BCL9L: variants seen among roughly 807,000 people sequenced by gnomAD.
The protein encoded by BCL9L is BCL9 like.
BCL9L carries 19 observed loss-of-function variants against 99.4 expected under a neutral mutation model. That is an observed-to-expected ratio of 0.19 (90% CI 0.13 to 0.28). The LOEUF is 0.28. Among genes scored for constraint, BCL9L ranks in the 10% least tolerant of loss-of-function variants. The pLI is 1.00. For missense variants in BCL9L, 2,023 were observed against 2,101.6 expected, an observed-to-expected ratio of 0.96 and a Z score of 0.73; for synonymous variants, 900 against 854.8, an observed-to-expected ratio of 1.05 and a Z score of -0.92.
At position 118,902,388 on chromosome 11, in the gene BCL9L, T is replaced by C. The variant is rs1336621605; in HGVS notation, c.1355A>G (p.Gln452Arg). ...GCTGGGAGGGGCCGTGGGTGGCTGC[T>C]GGGGGGGAGGGGGGGCTTGTGCTGG... Reference protein sequence around the residue: ...GPPAQAPPPPQQPPTAPPSGL... With the variant: ...GPPAQAPPPPRQPPTAPPSGL... Residue 452 changes from glutamine (Q) to arginine (R), a missense_variant, in exon 8 of 10, where the codon CAG becomes CGG. This residue lies in a region of BCL9L where 1,116 missense variants were observed against 1,194.6 expected (regional missense o/e 0.93). Coordinates refer to ENST00000683865, the MANE Select transcript of BCL9L (RefSeq NM_001378213.1). The surrounding 1 kb of genome is among the most constrained non-coding windows in gnomAD (Gnocchi z 7.8). The C allele has an allele frequency of 2.1e-6, 1 of 470,054 alleles. No individual in the cohort carries two copies. 29.1% of individuals were successfully genotyped at this position (470,054 alleles called of 1,614,324 possible).
In BCL9L at chr11:118,914,780, TGCCTGGTGGCCTCGCCCTCTGAGGTTGGG is replaced by T. The variant is rs1348435713; in HGVS notation, c.-77+4017_-77+4045del. Among the ~76,000 whole-genome samples the T allele has an allele frequency of 6.6e-6, 1 of 152,180 alleles. No homozygotes were observed. The highest frequency in any genetic ancestry group is 1.9e-4 in the East Asian group (1 of 5,198). Reference sequence around the variant, plus strand: ...AAAGCTGCTCCCAGAGGAGGTCTGGTGCCTGGTGGCCTCGCCCTCTGAGGTTGGGGCCCTGGCAGGCAGTATGATGCAGT... The same window carrying T: ...AAAGCTGCTCCCAGAGGAGGTCTGGTGCCCTGGCAGGCAGTATGATGCAGT... On this transcript the variant is annotated intron_variant, in intron 2 of 9. Transcript: ENST00000683865. This position sits in a 1 kb window ranked among gnomAD's most constrained non-coding sequence, Gnocchi z 4.4.
chr11:118,909,142 G>A (rs1283110930), intron 3 of BCL9L, among the ~76,000 whole-genome samples: 2 of 152,204 alleles, frequency 1.3e-5, no homozygotes, highest in African/African-American at 2.4e-5. Context: ...TCATTCCCCA[G>A]GGACAGTGGG....
In BCL9L at chr11:118,898,846, G is replaced by C. The variant is rs376479936; in HGVS notation, c.4069C>G (p.Leu1357Val). ...ATGTTCTGCAGGTTCATGAGATGCAGATTAGGGGGCTGAGCCTTGGGGGGC... is the reference window on the plus strand; with the variant it reads ...ATGTTCTGCAGGTTCATGAGATGCACATTAGGGGGCTGAGCCTTGGGGGGC... Reference protein sequence around the residue: ...NQPPKAQPPNLHLMNLQNMMA... With the variant: ...NQPPKAQPPNVHLMNLQNMMA... The change falls in exon 10 of 10, where the codon CTG becomes GTG. Residue 1357 changes from leucine to valine, a missense_variant. Leu to Val is a conservative substitution (Grantham distance 32). Around this residue, in one of 3 missense-constraint regions of BCL9L, gnomAD observed 902 missense variants for 888.2 expected, o/e 1.02. Coordinates refer to ENST00000683865, the MANE Select transcript of BCL9L (RefSeq NM_001378213.1). 7 of 1,614,006 alleles carry C rather than the reference G, an allele frequency of 4.3e-6. No homozygotes were observed. Among genetic ancestry groups the C allele is most frequent in the Non-Finnish European group, 5.1e-6 (6 of 1,180,014 alleles).
chr11:118,905,512 C>CAAAA (rs761526586), intron 5 of BCL9L, among the ~76,000 whole-genome samples: 3 of 38,532 alleles, frequency 7.8e-5, no homozygotes, highest in Admixed American at 2.6e-4. Context: ...GACTCTGTCT[C>CAAAA]AAAAAAAAAA....
chr11:118,901,034 A>G lies in BCL9L; in HGVS notation c.2709T>C (p.His903=). The change falls in exon 8 of 10, where the codon CAT becomes CAC. Residue 903 remains histidine, a synonymous_variant. Transcript: ENST00000683865. This position sits in a 1 kb window ranked among gnomAD's most constrained non-coding sequence, Gnocchi z 6.6. The stretch of plus-strand genomic sequence containing the variant: ...TGCCTAGCCCCCGGTTTGGGGCTGA[A>G]TGCACGGTCCCAGGAGGATTGGACG... ...PPASNPPGTV[H]SAPNRGLGRR... 1 of 1,574,914 alleles carries G rather than the reference A, an allele frequency of 6.3e-7. No homozygotes were observed. Among genetic ancestry groups the G allele is most frequent in the Admixed American group, 1.8e-5 (1 of 55,848 alleles).
chr11:118,908,427 G>A lies in BCL9L; in HGVS notation c.255C>T (p.Asn85=), dbSNP rs1379881417. 1 of 1,614,076 alleles carries A rather than the reference G, an allele frequency of 6.2e-7. No individual in the cohort carries two copies. Among genetic ancestry groups the A allele is most frequent in the South Asian group, 1.1e-5 (1 of 91,084 alleles). The change falls in exon 4 of 10, where the codon AAC becomes AAT. Residue 85 remains asparagine (N), a synonymous_variant. Transcript: ENST00000683865. Reference sequence around the variant, plus strand: ...GACTTGAGTTGCTAGGCGAGATCTGGTTGGCCTTGGCCCCATGGTTCCCCG... The same window carrying A: ...GACTTGAGTTGCTAGGCGAGATCTGATTGGCCTTGGCCCCATGGTTCCCCG... ...VGAGNHGAKA[N]QISPSNSSLK...
At chr11:118,915,430 A>G (rs968941326) in intron 2 of BCL9L, among the ~76,000 whole-genome samples, 5 of 152,214 alleles carry the variant, frequency 3.3e-5, no homozygotes, top group African/African-American at 1.2e-4. Flanking sequence ...GTGAGTGTCC[A>G]AGAGAACAGG....
chr11:118,913,142 C>T (rs1420555796), intron 2 of BCL9L, among the ~76,000 whole-genome samples: 2 of 152,140 alleles, frequency 1.3e-5, no homozygotes, highest in East Asian at 3.9e-4. Flanking sequence ...GCCCTGGTTC[C>T]TAGTAGCTCT....
chr11:118,920,062 T>G (rs1259506340), intron 1 of BCL9L, among the ~76,000 whole-genome samples: 1 of 152,166 alleles, frequency 6.6e-6, no homozygotes, highest in Non-Finnish European at 1.5e-5. Flanking sequence ...CTTATCCTTA[T>G]GTCCACCTCC....
intron 3 of BCL9L, 28 bp downstream of exon 3, chr11:118,909,886 C>G (rs1053585012): frequency 5.0e-6 from 8 of 1,613,834 alleles, no homozygotes; most frequent in Non-Finnish European, 6.8e-6. Context: ...CACACACACA[C>G]ATCCCACCCG....
Position 118,908,407 on chromosome 11 carries a change from G to A in BCL9L, c.275C>T (p.Ser92Leu). The change falls in exon 4 of 10, where the codon TCA becomes TTA. Residue 92 changes from serine (S) to leucine (L), a missense_variant. Around this residue, in one of 3 missense-constraint regions of BCL9L, gnomAD observed 1,116 missense variants for 1,194.6 expected, o/e 0.93. Transcript: ENST00000683865. ...CCCTGCCTGGGGGTTCTTCAGACTTGAGTTGCTAGGCGAGATCTGGTTGGC... is the reference window on the plus strand; with the variant it reads ...CCCTGCCTGGGGGTTCTTCAGACTTAAGTTGCTAGGCGAGATCTGGTTGGC... ...AKANQISPSNSSLKNPQAGVP... is the reference protein window; with the variant it reads ...AKANQISPSNLSLKNPQAGVP... The A allele has an allele frequency of 1.2e-6, 2 of 1,614,062 alleles. No homozygotes were observed. Among genetic ancestry groups the A allele is most frequent in the East Asian group, 2.2e-5 (1 of 44,870 alleles).
At position 118,900,096 on chromosome 11, in the gene BCL9L, T is replaced by A. The variant is rs777219234; in HGVS notation, c.3227A>T (p.Asp1076Val). 1.9e-6 allele frequency: 3 copies of A among 1,613,360 alleles called. No individual in the cohort carries two copies. The highest frequency in any genetic ancestry group is 2.5e-6 in the Non-Finnish European group (3 of 1,179,814). The change falls in exon 9 of 10, where the codon GAC becomes GTC. Residue 1076 changes from aspartate to valine, a missense_variant. Around this residue, in one of 3 missense-constraint regions of BCL9L, gnomAD observed 902 missense variants for 888.2 expected, o/e 1.02. Coordinates refer to ENST00000683865, the MANE Select transcript of BCL9L (RefSeq NM_001378213.1). The surrounding 1 kb of genome is among the most constrained non-coding windows in gnomAD (Gnocchi z 5.3). Reference sequence around the variant, plus strand: ...CAGGGGGTTCTGGGAAGGTGTGGGGTCTGGGGAGGAAGTGAATGGTAGGCT... The same window carrying A: ...CAGGGGGTTCTGGGAAGGTGTGGGGACTGGGGAGGAAGTGAATGGTAGGCT... ...NPSLPFTSSP[D>V]PTPSQNPLSL...
chr11:118,920,535 C>A (rs1787426555), intron 1 of BCL9L, among the ~76,000 whole-genome samples: 1 of 152,140 alleles, frequency 6.6e-6, no homozygotes, highest in Admixed American at 6.6e-5. Context: ...TTAAATTTGC[C>A]ACCAAGCTCC....
intron 9 of BCL9L, 131 bp downstream of exon 9, chr11:118,899,786 C>T (rs1940126502): frequency 8.4e-6 from 11 of 1,314,094 alleles, no homozygotes; most frequent in Non-Finnish European, 1.1e-5. Context: ...GTGGGAACAG[C>T]ATCCCGGAGC....
rs1490052616 is a variant in BCL9L, at chr11:118,907,724, T to C, written c.413-122A>G. On this transcript the variant is annotated intron_variant, in intron 4 of 9. Coordinates refer to ENST00000683865, the MANE Select transcript of BCL9L (RefSeq NM_001378213.1). ...ACCCTAGAGGGCACTGCCCAGGCCA[T>C]GGTGGGCACTTCGCCAGCCCGTGGC... is the stretch of plus-strand genomic sequence containing the variant. 6.9e-6 allele frequency: 10 copies of C among 1,444,782 alleles called. 1 individual carries two copies. The highest frequency in any genetic ancestry group is 2.5e-5 in the East Asian group (1 of 40,552). 89.5% of individuals were successfully genotyped at this position (1,444,782 alleles called of 1,614,324 possible). A position where few individuals can be genotyped will look rare whatever the true frequency, so the allele number is the denominator to read the frequency against.
chr11:118,898,294 G>GGCCCCCCAC lies in BCL9L; in HGVS notation c.*120_*121insGTGGGGGGC. The GGCCCCCCAC allele has an allele frequency of 2.2e-6, 1 of 452,312 alleles. No individual in the cohort carries two copies. The highest frequency in any genetic ancestry group is 4.1e-6 in the Non-Finnish European group (1 of 244,762). The allele number at this position is 452,312 out of a possible 1,614,324, so 28.0% of individuals were successfully genotyped here. ...TCCACAAATGCCACTCCCTACACAA[G>GGCCCCCCAC]CCCCCTCCCACCCCCTCCACCCCAC... On this transcript the variant is annotated 3_prime_UTR_variant, in exon 10 of 10. Transcript: ENST00000683865.
chr11:118,908,703 AG>A, intron 3 of BCL9L, 48 bp from the exon 4 acceptor site: 1 of 1,531,766 alleles, frequency 6.5e-7, no homozygotes, highest in South Asian at 1.2e-5. Flanking sequence ...GCTAGGGGCT[AG>A]GCATGCCTGC....
Position 118,903,091 on chromosome 11 carries a change from C to T in BCL9L, c.750-17G>A, listed in dbSNP as rs1940352273. On this transcript the variant is annotated splice_polypyrimidine_tract_variant and intron_variant, in intron 6 of 9. Coordinates refer to ENST00000683865, the MANE Select transcript of BCL9L (RefSeq NM_001378213.1). This position sits in a 1 kb window ranked among gnomAD's most constrained non-coding sequence, Gnocchi z 5.6. ...TCTGCAGCCCTGCACAGAGTGGGGG[C>T]ACCGACAGCTCAGAGAGGTGAGCAG... 1.3e-6 allele frequency: 2 copies of T among 1,563,514 alleles called. No homozygotes were observed.
rs1941266532 is a variant in BCL9L at position 118,925,864 on chromosome 11, G to T, written c.-757C>A. Among the ~76,000 whole-genome samples the T allele has an allele frequency of 1.3e-5, 2 of 151,808 alleles. No homozygotes were observed. The highest frequency in any genetic ancestry group is 4.8e-5 in the African/African-American group (2 of 41,378). Reference sequence around the variant, plus strand: ...TCCGCCGCGCGCCGCCGCCTCCCCGGGCTCCCCTGCGCTGCCGGAGCCTCG... The same window carrying T: ...TCCGCCGCGCGCCGCCGCCTCCCCGTGCTCCCCTGCGCTGCCGGAGCCTCG... On this transcript the variant is annotated 5_prime_UTR_variant, in exon 1 of 10. Transcript: ENST00000683865. The surrounding 1 kb of genome is among the most constrained non-coding windows in gnomAD (Gnocchi z 6.4).
Sources: allele counts gnomAD v4.1 joint callset (sites outside exome capture counted in the v4.1 genomes callset), GRCh38; gene constraint gnomAD v4.1.1; regional missense constraint gnomAD v4.1.1; non-coding constraint Gnocchi (gnomAD v3.1); transcripts MANE v1.5; gene names NCBI Gene and HGNC (gene_info 2026-07-23, HGNC 2026-07-21).